Variants in FGF12 observed in about 807,000 individuals in gnomAD.
FGF12 encodes fibroblast growth factor 12B.
In FGF12, 14 loss-of-function variants were observed where a neutral mutation model predicts 23.6. The observed-to-expected ratio is 0.59, with a 90% CI of 0.39 to 0.93. The LOEUF (loss-of-function observed/expected upper bound fraction) is 0.93, where lower values mean the gene tolerates loss of function less well. FGF12 is among the 40% of genes least tolerant of loss of function. FGF12 has a pLI of 0.00. For missense variants in FGF12, 175 were observed against 217.8 expected, an observed-to-expected ratio of 0.80 and a Z score of 1.24; for synonymous variants, 62 against 77.3, an observed-to-expected ratio of 0.80 and a Z score of 1.04.
chr3:192,304,615 A>G (rs1471725272), intron 4 of FGF12, among the ~76,000 whole-genome samples: 1 of 152,194 alleles, frequency 6.6e-6, no homozygotes, highest in African/African-American at 2.4e-5. Context: ...TTAAAAAGGT[A>G]TAATATAATT....
At chr3:192,627,063 T>A (rs1715198036) in intron 2 of FGF12, among the ~76,000 whole-genome samples, 1 of 152,184 alleles carries the variant, frequency 6.6e-6, no homozygotes, top group Non-Finnish European at 1.5e-5. Flanking sequence ...AGGATATGCT[T>A]GGAAGAGCTA....
chr3:192,161,836 TC>T (rs1714900739), intron 5 of FGF12, among the ~76,000 whole-genome samples: 1 of 152,132 alleles, frequency 6.6e-6, no homozygotes, highest in East Asian at 1.9e-4. Flanking sequence ...TCTTGACAGA[TC>T]CTTTGAAATT....
At chr3:192,588,302 A>C in intron 2 of FGF12, among the ~76,000 whole-genome samples, 1 of 142,044 alleles carries the variant, frequency 7.0e-6, no homozygotes, top group Non-Finnish European at 1.5e-5. Context: ...GTGAGCCGAG[A>C]TCGCGCCACT....
chr3:192,673,388 G>T (rs1245966260), intron 2 of FGF12: 1 of 151,030 alleles, frequency 6.6e-6, no homozygotes, highest in African/African-American at 2.4e-5. Context: ...TTAAAAAATT[G>T]TATTTTATTT....
intron 2 of FGF12, among the ~76,000 whole-genome samples, chr3:192,705,557 G>T (rs1216604399): frequency 6.6e-5 from 10 of 152,288 alleles, no homozygotes; most frequent in East Asian, 5.8e-4. Flanking sequence ...GGATTAAGTT[G>T]TTGTCTTATG....
At chr3:192,557,680 A>T (rs892717517) in intron 2 of FGF12, among the ~76,000 whole-genome samples, 6 of 145,710 alleles carry the variant, frequency 4.1e-5, no homozygotes, top group African/African-American at 1.7e-4. Flanking sequence ...AATGCTAGCA[A>T]ACCAAATTCA....
chr3:192,646,380 A>G (rs958217704), intron 2 of FGF12, among the ~76,000 whole-genome samples: 1 of 152,108 alleles, frequency 6.6e-6, no homozygotes, highest in African/African-American at 2.4e-5. Flanking sequence ...ATATAAATAT[A>G]TGAGTCATTA....
intron 2 of FGF12, among the ~76,000 whole-genome samples, chr3:192,639,593 A>G (rs971155390): frequency 4.6e-5 from 7 of 152,240 alleles, no homozygotes; most frequent in African/African-American, 1.7e-4. Flanking sequence ...GGTGGTATAC[A>G]CAGTCTGCCC....
chr3:192,439,777 C>T lies in FGF12; in HGVS notation c.14-79239G>A, dbSNP rs528969081. Among the ~76,000 whole-genome samples the T allele has an allele frequency of 9.1e-4, 139 of 152,092 alleles. 4 individuals are homozygous for T. The highest frequency in any genetic ancestry group is 8.2e-3 in the Admixed American group (125 of 15,290). On this transcript the variant is annotated intron_variant, in intron 2 of 5. Coordinates refer to ENST00000445105, the MANE Select transcript of FGF12 (RefSeq NM_004113.6). ...GAATCACAAGGTCAGGAGTTCAAGA[C>T]CAGCCTGGCAAAGATGGTGAAACCC...
chr3:192,355,955 T>C (rs1306593622), intron 3 of FGF12, among the ~76,000 whole-genome samples: 1 of 152,212 alleles, frequency 6.6e-6, no homozygotes, highest in Non-Finnish European at 1.5e-5. Flanking sequence ...TGTGAAATTG[T>C]CTATATTCAA....
intron 4 of FGF12, among the ~76,000 whole-genome samples, chr3:192,270,706 T>C (rs1193602091): frequency 1.3e-5 from 2 of 151,254 alleles, no homozygotes; most frequent in Non-Finnish European, 2.9e-5. Context: ...CTCCAGATTG[T>C]AGAAGAAAAA....
At chr3:192,172,693 A>T (rs528983764) in intron 4 of FGF12, among the ~76,000 whole-genome samples, 1 of 150,354 alleles carries the variant, frequency 6.7e-6, no homozygotes, top group Admixed American at 6.7e-5. Flanking sequence ...TTGCTGGTGG[A>T]AATGTAAAAT....
chr3:192,587,819 C>G (rs1436093417), intron 2 of FGF12, among the ~76,000 whole-genome samples: 4 of 151,762 alleles, frequency 2.6e-5, no homozygotes, highest in African/African-American at 9.7e-5. Context: ...GACCCTCTTT[C>G]TCATCATATA....
intron 2 of FGF12, among the ~76,000 whole-genome samples, chr3:192,642,144 A>G (rs1183358717): frequency 6.6e-6 from 1 of 152,264 alleles, no homozygotes; most frequent in Non-Finnish European, 1.5e-5. Flanking sequence ...TAATTTCTCA[A>G]TAGTCGACAC....
intron 2 of FGF12, among the ~76,000 whole-genome samples, chr3:192,537,805 C>A (rs182534879): frequency 1.3e-5 from 2 of 152,174 alleles, no homozygotes; most frequent in African/African-American, 4.8e-5. Flanking sequence ...TTGATGTGAT[C>A]CCATTTGTCC....
chr3:192,387,356 T>C (rs543279379), intron 2 of FGF12, among the ~76,000 whole-genome samples: 6 of 152,298 alleles, frequency 3.9e-5, no homozygotes, highest in Admixed American at 2.0e-4. Flanking sequence ...CAAAAGTATA[T>C]CTAGCCATCT....
At chr3:192,412,641 G>A (rs1211990842) in intron 2 of FGF12, among the ~76,000 whole-genome samples, 1 of 152,194 alleles carries the variant, frequency 6.6e-6, no homozygotes, top group Non-Finnish European at 1.5e-5. Flanking sequence ...GAGAAGAGGT[G>A]AGTATAAAGA....
intron 2 of FGF12, among the ~76,000 whole-genome samples, chr3:192,526,471 T>A (rs904715132): frequency 2.6e-5 from 4 of 152,304 alleles, no homozygotes; most frequent in Admixed American, 2.6e-4. Flanking sequence ...GAGGCACTTA[T>A]CACATCATAG....
chr3:192,708,181 G>A (rs1055937134), intron 2 of FGF12, among the ~76,000 whole-genome samples: 40 of 151,984 alleles, frequency 2.6e-4, no homozygotes, highest in Admixed American at 2.3e-3. Flanking sequence ...GGTTGGTCTC[G>A]ATCTCCTGAC....
Sources: allele counts gnomAD v4.1 joint callset (sites outside exome capture counted in the v4.1 genomes callset), GRCh38; gene constraint gnomAD v4.1.1; transcripts MANE v1.5; gene names NCBI Gene and HGNC (gene_info 2026-07-23, HGNC 2026-07-21).